The following NUP188 variants were observed in gnomAD, a reference collection of about 807,000 sequenced individuals.
NUP188 encodes the protein nucleoporin NUP188.
In NUP188, 97 loss-of-function variants were observed where a neutral mutation model predicts 223.0. That is an observed-to-expected ratio of 0.43 (90% confidence interval 0.37 to 0.51). The LOEUF (loss-of-function observed/expected upper bound fraction) is 0.51. Among genes scored for constraint, NUP188 ranks in the 20% least tolerant of loss-of-function variants. The probability of loss-of-function intolerance (pLI) is 0.00; values close to 1 mark genes in which losing one functional copy is unlikely to be tolerated. For synonymous variants in NUP188, 869 were observed against 828.0 expected (o/e 1.05, Z -0.85); for missense variants, 1,947 against 2,175.6 (o/e 0.89, Z 2.09).
At chr9:129,005,855 T>C in intron 41 of NUP188, 79 bp downstream of exon 41, 7 of 1,523,594 alleles carry the variant, frequency 4.6e-6, no homozygotes, top group Non-Finnish European at 8.8e-7. Flanking sequence ...ACCTTGGGCA[T>C]GTTGGGCATG....
intron 10 of NUP188, 62 bp downstream of exon 10, chr9:128,969,576 T>C: frequency 1.2e-6 from 1 of 859,980 alleles, no homozygotes; most frequent in Middle Eastern, 2.3e-4. Context: ...CTTTCAATTA[T>C]TGAACTGCTG....
At chr9:128,987,986 C>CAT in intron 23 of NUP188, 61 bp from the exon 24 acceptor site, 1 of 1,559,492 alleles carries the variant, frequency 6.4e-7, no homozygotes, top group Non-Finnish European at 8.8e-7. Context: ...CATGAGAGCA[C>CAT]ATATATTGCG....
At chr9:128,993,163 G>C (rs923599358) in intron 25 of NUP188, 34 bp from the exon 26 acceptor site, 2 of 1,579,730 alleles carry the variant, frequency 1.3e-6, no homozygotes, top group Non-Finnish European at 1.7e-6. Flanking sequence ...TGTGGAAGCA[G>C]AGCTCTAAGC....
Position 128,979,998 on chromosome 9 carries a change from T to C in NUP188, c.1270-608T>C, listed in dbSNP as rs1346963302. Among the ~76,000 whole-genome samples, 3 of 152,322 alleles carry C rather than the reference T, an allele frequency of 2.0e-5. 1 individual carries two copies. The East Asian group carries it at 5.8e-4, about 29-fold the overall frequency. ...TTAGACACCAGTGTTCCTGCAGCTCTTGAAAGTGCTTTTAGGAGATTGTAA... is the reference window on the plus strand; with the variant it reads ...TTAGACACCAGTGTTCCTGCAGCTCCTGAAAGTGCTTTTAGGAGATTGTAA... On this transcript the variant is annotated intron_variant, in intron 13 of 43. Coordinates refer to ENST00000372577, the MANE Select transcript of NUP188 (RefSeq NM_015354.3).
chr9:128,984,936 C>G lies in NUP188; in HGVS notation c.1998C>G (p.Leu666=), dbSNP rs142108937. Residue 666 remains leucine (L), a synonymous_variant, in exon 20 of 44, where the codon CTC becomes CTG. Coordinates refer to ENST00000372577, the MANE Select transcript of NUP188 (RefSeq NM_015354.3). The part of the protein sequence containing the change: ...EGMNAGGYGN[L]LMNSEQPQGE... ...TGAATGCTGGAGGGTACGGAAACCT[C>G]TTGATGAACAGTGAACAGCCTCAGG... 1 of 1,613,888 alleles carries G rather than the reference C, an allele frequency of 6.2e-7. No homozygotes were observed. The highest frequency in any genetic ancestry group is 1.3e-5 in the African/African-American group (1 of 75,020).
At chr9:128,947,937 CT>C in intron 1 of NUP188, 186 bp downstream of exon 1, 1 of 431,292 alleles carries the variant, frequency 2.3e-6, no homozygotes, top group Non-Finnish European at 3.9e-6. Context: ...TCTGAAGAGT[CT>C]TCTTCAGGAG....
chr9:128,995,639 TA>T, intron 30 of NUP188, 125 bp downstream of exon 30: 1 of 805,572 alleles, frequency 1.2e-6, no homozygotes, highest in Non-Finnish European at 2.0e-6. Context: ...AGCTAAACTG[TA>T]ATAGGTTCTA....
At chr9:128,954,199 C>G (rs1841836551) in intron 3 of NUP188, among the ~76,000 whole-genome samples, 1 of 151,992 alleles carries the variant, frequency 6.6e-6, no homozygotes, top group Non-Finnish European at 1.5e-5. Context: ...GTAGTCTCCT[C>G]TTAGCTGTGA....
In NUP188 at chr9:128,958,818, A is replaced by G. The variant is rs1221427102; in HGVS notation, c.389A>G (p.Tyr130Cys). The G allele has an allele frequency of 1.9e-6, 3 of 1,585,194 alleles. No individual in the cohort carries two copies. Among genetic ancestry groups the G allele is most frequent in the East Asian group, 2.2e-5 (1 of 44,610 alleles). The change falls in exon 7 of 44, where the codon TAT (tyrosine) becomes TGT (cysteine). Residue 130 changes from tyrosine to cysteine, a missense_variant. Physicochemically the swap from Tyr to Cys is radical, Grantham distance 194. This residue lies in a region of NUP188 where 817 missense variants were observed against 865.8 expected (regional missense o/e 0.94). Coordinates refer to ENST00000372577, the MANE Select transcript of NUP188 (RefSeq NM_015354.3). ...ALILKIADYY[Y>C]EERTCILRCV... ...GTTCCTCAGATTGCAGATTATTATT[A>G]TGAAGAAAGAACCTGTATTCTTCGT...
At chr9:128,968,475 C>G in intron 8 of NUP188, 31 bp from the exon 9 acceptor site, 1 of 1,536,572 alleles carries the variant, frequency 6.5e-7, no homozygotes, top group East Asian at 2.2e-5. Context: ...CATGTTATTT[C>G]TCTCCCATTT....
intron 8 of NUP188, among the ~76,000 whole-genome samples, chr9:128,962,315 C>G (rs1374323162): frequency 6.7e-6 from 1 of 148,282 alleles, no homozygotes; most frequent in East Asian, 2.0e-4. Flanking sequence ...GTGGCACGAT[C>G]TCGGCTCTCT....
chr9:128,960,723 G>A (rs1306135938), intron 8 of NUP188, among the ~76,000 whole-genome samples: 1 of 152,126 alleles, frequency 6.6e-6, no homozygotes, highest in East Asian at 1.9e-4. Flanking sequence ...GCCAAGGCAG[G>A]CAGATTACTT....
At chr9:128,987,086 A>AGTGTGTGT (rs1393383886) in intron 22 of NUP188, among the ~76,000 whole-genome samples, 73 of 128,472 alleles carry the variant, frequency 5.7e-4, no homozygotes, top group East Asian at 4.6e-3. Context: ...AGAGAGAGAG[A>AGTGTGTGT]GAGTGTGTGT....
intron 31 of NUP188, 66 bp downstream of exon 31, chr9:128,998,294 G>C: frequency 7.2e-7 from 1 of 1,379,612 alleles, no homozygotes; most frequent in Admixed American, 1.7e-5. Flanking sequence ...AATAGCAGAG[G>C]TCATGAGTCT....
intron 30 of NUP188, 131 bp from the exon 31 acceptor site, chr9:128,998,020 A>G: frequency 1.4e-6 from 1 of 728,534 alleles, no homozygotes; most frequent in Non-Finnish European, 2.5e-6. Flanking sequence ...CGCCCGGCCT[A>G]TATAAGCCCT....
rs377020199 is a variant in NUP188 at position 129,006,160 on chromosome 9, G to A, written c.4943+37G>A. On this transcript the variant is annotated intron_variant, in intron 42 of 43. Coordinates refer to ENST00000372577, the MANE Select transcript of NUP188 (RefSeq NM_015354.3). ...TTCTGGGATTTGATAAGGGGCTGGG[G>A]CAGTCATGGGCCCACTGTTCTCAAG... is the stretch of plus-strand genomic sequence containing the variant. 2.2e-5 allele frequency: 36 copies of A among 1,613,908 alleles called. No individual in the cohort carries two copies. In the African/African-American group the frequency reaches 4.8e-4, roughly 22 times the overall value.
At chr9:128,974,313 C>T (rs1842141014) in intron 12 of NUP188, among the ~76,000 whole-genome samples, 1 of 151,630 alleles carries the variant, frequency 6.6e-6, no homozygotes, top group Non-Finnish European at 1.5e-5. Flanking sequence ...CGTTTTGTAA[C>T]CTCATTTTTT....
chr9:128,991,783 C>T (rs557265527), intron 25 of NUP188, among the ~76,000 whole-genome samples: 1 of 143,040 alleles, frequency 7.0e-6, no homozygotes, highest in Admixed American at 7.1e-5. Context: ...GTGGAGGTTG[C>T]AGTGAGCCGA....
intron 8 of NUP188, among the ~76,000 whole-genome samples, chr9:128,959,502 C>T (rs1841916706): frequency 6.7e-6 from 1 of 148,228 alleles, no homozygotes; most frequent in Non-Finnish European, 1.5e-5. Context: ...ATTATTTATT[C>T]ATTCATTTAA....
Sources: gnomAD v4.1 joint callset for allele counts (sites outside exome capture counted in the v4.1 genomes callset) on GRCh38, gnomAD v4.1.1 for gene constraint, gnomAD v4.1.1 regional missense constraint, MANE v1.5 for transcripts, NCBI Gene and HGNC (gene_info 2026-07-23, HGNC 2026-07-21) for gene names.